PPME1: variants seen among roughly 807,000 people sequenced by gnomAD.
The protein encoded by PPME1 is protein phosphatase methylesterase 1.
Under a neutral mutation model 56.9 loss-of-function variants are expected in PPME1, and 17 were observed. The observed-to-expected ratio is 0.30, with a 90% CI of 0.20 to 0.45. The LOEUF (loss-of-function observed/expected upper bound fraction) is 0.45. Among genes scored for constraint, PPME1 ranks in the 20% least tolerant of loss-of-function variants. The pLI is 1.00. For missense variants in PPME1, 357 were observed against 483.2 expected (o/e 0.74, Z 2.45); for synonymous variants, 122 against 156.2 (o/e 0.78, Z 1.63).
chr11:74,194,513 A>G (rs1857929419), intron 1 of PPME1, among the ~76,000 whole-genome samples: 3 of 152,062 alleles, frequency 2.0e-5, no homozygotes, highest in Non-Finnish European at 2.9e-5. Flanking sequence ...CAGCTCATCT[A>G]TGCGTTTAAG....
intron 7 of PPME1, among the ~76,000 whole-genome samples, chr11:74,233,398 G>C (rs766104901): frequency 4.3e-4 from 65 of 152,114 alleles, no homozygotes; most frequent in Non-Finnish European, 6.9e-4. Flanking sequence ...TCAAGTTTAT[G>C]ACTGATGGCC....
At chr11:74,218,562 A>C (rs2135643723) in intron 3 of PPME1, among the ~76,000 whole-genome samples, 1 of 152,302 alleles carries the variant, frequency 6.6e-6, no homozygotes, top group East Asian at 1.9e-4. Context: ...CACATAGACC[A>C]ATGGAACAGA....
At chr11:74,239,781 C>T (rs984786362) in intron 9 of PPME1, among the ~76,000 whole-genome samples, 5 of 151,592 alleles carry the variant, frequency 3.3e-5, no homozygotes, top group Admixed American at 6.6e-5. Flanking sequence ...GGGGTTTCAC[C>T]GGGTTAGCCA....
chr11:74,214,028 T>G (rs73549014), intron 3 of PPME1, among the ~76,000 whole-genome samples: 15,220 of 152,214 alleles, frequency 0.1, 2,106 homozygotes, highest in African/African-American at 0.32. Context: ...GAGACAGAGA[T>G]ATGTGACCTT....
At chr11:74,213,853 T>G (rs140772359) in intron 3 of PPME1, among the ~76,000 whole-genome samples, 1 of 152,320 alleles carries the variant, frequency 6.6e-6, no homozygotes, top group African/African-American at 2.4e-5. Context: ...CCTGGAAAGC[T>G]TTCGCAGGAA....
chr11:74,189,448 C>T (rs1857777786), intron 1 of PPME1, among the ~76,000 whole-genome samples: 1 of 152,114 alleles, frequency 6.6e-6, no homozygotes, highest in African/African-American at 2.4e-5. Context: ...CACCACCGTG[C>T]CCCCTAATTT....
At chr11:74,206,456 C>G (rs1858328735) in intron 3 of PPME1, among the ~76,000 whole-genome samples, 1 of 151,974 alleles carries the variant, frequency 6.6e-6, no homozygotes, top group Non-Finnish European at 1.5e-5. Flanking sequence ...GAAGAGCAAT[C>G]AAGATTAGAA....
chr11:74,208,234 C>CA (rs1858378860), intron 3 of PPME1, among the ~76,000 whole-genome samples: 1 of 151,516 alleles, frequency 6.6e-6, no homozygotes, highest in Non-Finnish European at 1.5e-5. Context: ...AACGCTTGAA[C>CA]ACGGGGGGCA....
At chr11:74,177,598 G>A (rs949413629) in intron 1 of PPME1, among the ~76,000 whole-genome samples, 8 of 152,074 alleles carry the variant, frequency 5.3e-5, no homozygotes, top group African/African-American at 1.9e-4. Context: ...GTTTTGATGG[G>A]TGGTAGAGGT....
At chr11:74,197,986 C>T (rs1858034724) in intron 1 of PPME1, among the ~76,000 whole-genome samples, 1 of 152,158 alleles carries the variant, frequency 6.6e-6, no homozygotes, top group Non-Finnish European at 1.5e-5. Context: ...ACCACTTTGT[C>T]TCCTCTCTGT....
chr11:74,215,280 T>G (rs907647197), intron 3 of PPME1, among the ~76,000 whole-genome samples: 1 of 152,042 alleles, frequency 6.6e-6, no homozygotes, highest in Non-Finnish European at 1.5e-5. Context: ...GCAGTGGTTG[T>G]AGTGAGCTGA....
intron 3 of PPME1, among the ~76,000 whole-genome samples, chr11:74,217,119 G>A (rs930512471): frequency 3.3e-5 from 5 of 152,102 alleles, no homozygotes; most frequent in Non-Finnish European, 7.4e-5. Flanking sequence ...CTCCTTCTAC[G>A]AGGCTAGTTA....
At chr11:74,193,376 T>C (rs984984269) in intron 1 of PPME1, among the ~76,000 whole-genome samples, 4 of 152,240 alleles carry the variant, frequency 2.6e-5, no homozygotes, top group African/African-American at 9.6e-5. Flanking sequence ...CTCCAGGCCA[T>C]GTGTATAAGG....
At chr11:74,231,626 T>G (rs1859070336) in intron 7 of PPME1, among the ~76,000 whole-genome samples, 2 of 152,230 alleles carry the variant, frequency 1.3e-5, no homozygotes, top group Admixed American at 1.3e-4. Context: ...TCCTGGAATC[T>G]TAGTAATTAT....
intron 9 of PPME1, 71 bp from the exon 10 acceptor site, chr11:74,246,005 G>T (rs752888210): frequency 4.6e-6 from 7 of 1,508,688 alleles, no homozygotes; most frequent in Non-Finnish European, 5.3e-6. Context: ...CTTTTCCCAG[G>T]GATCTAGTTT....
chr11:74,221,703 T>G (rs183838515), intron 3 of PPME1, among the ~76,000 whole-genome samples: 29 of 152,286 alleles, frequency 1.9e-4, no homozygotes, highest in African/African-American at 7.0e-4. Context: ...CAGTTTAGTT[T>G]AGGAAGAAGA....
At chr11:74,172,718 A>G (rs10501414) in intron 1 of PPME1, among the ~76,000 whole-genome samples, 19,948 of 152,150 alleles carry the variant, frequency 0.13, 3,589 homozygotes, top group African/African-American at 0.41. Context: ...TGTAGTTTCA[A>G]ACAGGATTCT....
chr11:74,215,765 T>C (rs1231283419), intron 3 of PPME1, among the ~76,000 whole-genome samples: 1 of 152,158 alleles, frequency 6.6e-6, no homozygotes, highest in Non-Finnish European at 1.5e-5. Context: ...CTAGAAACAC[T>C]CTTTATCTGT....
chr11:74,201,822 A>G (rs538290751), intron 1 of PPME1, among the ~76,000 whole-genome samples: 8 of 152,186 alleles, frequency 5.3e-5, no homozygotes, highest in Non-Finnish European at 1.2e-4. Context: ...ATCCATTATA[A>G]CATGTTTGGC....
Sources: gnomAD v4.1 joint callset for allele counts (sites outside exome capture counted in the v4.1 genomes callset) on GRCh38, gnomAD v4.1.1 for gene constraint, MANE v1.5 for transcripts, NCBI Gene and HGNC (gene_info 2026-07-23, HGNC 2026-07-21) for gene names.